Variants in CHD9 observed in about 807,000 individuals in gnomAD.
CHD9 encodes ATP-dependent chromatin remodeler CHD9.
A neutral mutation model predicts 316.1 loss-of-function variants in CHD9; 77 were observed. The observed-to-expected ratio is 0.24, with a 90% CI of 0.20 to 0.29. The LOEUF is 0.29. Ranked by LOEUF, CHD9 falls within the 10% of genes least tolerant of loss-of-function variation. The probability of loss-of-function intolerance (pLI) is 1.00; values close to 1 mark genes in which losing one functional copy is unlikely to be tolerated. For missense variants in CHD9, 2,763 were observed against 3,438.1 expected, an observed-to-expected ratio of 0.80 and a Z score of 4.91; for synonymous variants, 1,129 against 1,158.3, an observed-to-expected ratio of 0.97 and a Z score of 0.51.
chr16:53,125,218 A>T (rs1410068401), intron 1 of CHD9, among the ~76,000 whole-genome samples: 34 of 95,762 alleles, frequency 3.6e-4, no homozygotes, highest in East Asian at 8.6e-4. Context: ...TCAAGTTAGG[A>T]TTTTTTTTTT....
chr16:53,097,744 G>A (rs1459585366), intron 1 of CHD9, among the ~76,000 whole-genome samples: 1 of 152,212 alleles, frequency 6.6e-6, no homozygotes, highest in Non-Finnish European at 1.5e-5. Context: ...AGGAATGGAT[G>A]AATAAGTGAA....
chr16:53,311,618 G>T (rs2056482655), intron 34 of CHD9: 1 of 152,158 alleles, frequency 6.6e-6, no homozygotes, highest in Non-Finnish European at 1.5e-5. Flanking sequence ...CTTGAGTAAA[G>T]ATACCAGATG....
chr16:53,275,116 C>A (rs1214182578), intron 24 of CHD9, among the ~76,000 whole-genome samples: 1 of 152,180 alleles, frequency 6.6e-6, no homozygotes, highest in Non-Finnish European at 1.5e-5. Context: ...ACTGCAACCT[C>A]CATCTCCCAG....
intron 22 of CHD9, among the ~76,000 whole-genome samples, chr16:53,271,456 C>T (rs1473420201): frequency 6.6e-6 from 1 of 151,852 alleles, no homozygotes; most frequent in East Asian, 1.9e-4. Flanking sequence ...GTAATCCCAG[C>T]TACTTGGGAT....
chr16:53,239,592 A>G (rs1230013384), intron 12 of CHD9, among the ~76,000 whole-genome samples: 1 of 152,182 alleles, frequency 6.6e-6, no homozygotes, highest in Non-Finnish European at 1.5e-5. Flanking sequence ...AAAGCACTTT[A>G]GTATTTTTTC....
At chr16:53,218,478 G>A (rs1393774949) in intron 3 of CHD9, among the ~76,000 whole-genome samples, 1 of 152,066 alleles carries the variant, frequency 6.6e-6, no homozygotes, top group Admixed American at 6.6e-5. Flanking sequence ...AGAGATTTAG[G>A]TAATATTTAT....
chr16:53,083,436 A>C (rs2035199207), intron 1 of CHD9, among the ~76,000 whole-genome samples: 1 of 152,216 alleles, frequency 6.6e-6, no homozygotes, highest in African/African-American at 2.4e-5. Flanking sequence ...CCAGAGAAAG[A>C]GATTATATTG....
chr16:53,199,638 G>A (rs971946363), intron 2 of CHD9, among the ~76,000 whole-genome samples: 2 of 152,044 alleles, frequency 1.3e-5, no homozygotes, highest in African/African-American at 4.8e-5. Context: ...TCCAGTGTCT[G>A]TTCTTTCACC....
chr16:53,069,191 G>C (rs1321767583), intron 1 of CHD9, among the ~76,000 whole-genome samples: 3 of 151,896 alleles, frequency 2.0e-5, no homozygotes, highest in Non-Finnish European at 4.4e-5. Flanking sequence ...TTTTACTAGA[G>C]ACAAGGTTTC....
intron 20 of CHD9, among the ~76,000 whole-genome samples, chr16:53,266,210 T>C (rs983176768): frequency 2.0e-5 from 3 of 152,032 alleles, no homozygotes; most frequent in African/African-American, 7.2e-5. Flanking sequence ...TCTTCCAAAA[T>C]ACATATTAAT....
rs1353407562 is a variant in CHD9, at chr16:53,324,532, C to T, written c.8331C>T (p.Ser2777=). 1.2e-6 allele frequency: 2 copies of T among 1,613,798 alleles called. No individual in the cohort carries two copies. Among genetic ancestry groups the T allele is most frequent in the Non-Finnish European group, 1.7e-6 (2 of 1,179,870 alleles). The change falls in exon 39 of 39, where the codon TCC becomes TCT. Residue 2777 remains serine (S), a synonymous_variant. Coordinates refer to ENST00000447540, the MANE Select transcript of CHD9 (RefSeq NM_001308319.2). ...ENSVSSSPST[S]STAALNTAAA... ...CTGTGTCAAGTTCTCCTTCCACATCCTCTACTGCTGCATTAAATACAGCTG... is the reference window on the plus strand; with the variant it reads ...CTGTGTCAAGTTCTCCTTCCACATCTTCTACTGCTGCATTAAATACAGCTG...
chr16:53,057,917 CT>C (rs996199875), intron 1 of CHD9, among the ~76,000 whole-genome samples: 6 of 152,048 alleles, frequency 3.9e-5, no homozygotes, highest in African/African-American at 1.4e-4. Context: ...TGTGATGTCG[CT>C]GTTTGAAATG....
At chr16:53,118,880 C>T (rs978039563) in intron 1 of CHD9, among the ~76,000 whole-genome samples, 7 of 151,348 alleles carry the variant, frequency 4.6e-5, no homozygotes, top group Admixed American at 1.3e-4. Context: ...GCAACCTTCA[C>T]CTCCCGGGTT....
intron 1 of CHD9, among the ~76,000 whole-genome samples, chr16:53,088,839 C>T (rs539721246): frequency 1.8e-4 from 28 of 151,698 alleles, no homozygotes; most frequent in African/African-American, 2.4e-4. Flanking sequence ...CTCAGCCGGG[C>T]GTGGTGGCTC....
intron 19 of CHD9, among the ~76,000 whole-genome samples, chr16:53,258,760 A>C (rs1414916704): frequency 6.6e-6 from 1 of 152,174 alleles, no homozygotes; most frequent in Non-Finnish European, 1.5e-5. Flanking sequence ...CTTCATTTTC[A>C]AGTGATGATA....
At chr16:53,116,869 T>C (rs1219911032) in intron 1 of CHD9, among the ~76,000 whole-genome samples, 1 of 152,198 alleles carries the variant, frequency 6.6e-6, no homozygotes, top group African/African-American at 2.4e-5. Context: ...GTGGTACATT[T>C]AAACCATGGA....
chr16:53,126,382 C>G (rs2038969086), intron 1 of CHD9, among the ~76,000 whole-genome samples: 1 of 152,162 alleles, frequency 6.6e-6, no homozygotes, highest in Admixed American at 6.5e-5. Context: ...GAGTTTATTT[C>G]TGGATTCTAT....
At chr16:53,152,168 T>G (rs769862768) in intron 1 of CHD9, among the ~76,000 whole-genome samples, 3 of 152,196 alleles carry the variant, frequency 2.0e-5, no homozygotes, top group Non-Finnish European at 4.4e-5. Context: ...TTTCAAACTA[T>G]TTTCTGTAGT....
chr16:53,302,077 G>A (rs1298344464), intron 30 of CHD9, among the ~76,000 whole-genome samples: 2 of 151,968 alleles, frequency 1.3e-5, no homozygotes, highest in Non-Finnish European at 2.9e-5. Context: ...CTCTCTTAAT[G>A]TTAACATTTT....
Sources: allele counts gnomAD v4.1 joint callset (sites outside exome capture counted in the v4.1 genomes callset), GRCh38; gene constraint gnomAD v4.1.1; transcripts MANE v1.5; gene names NCBI Gene and HGNC (gene_info 2026-07-23, HGNC 2026-07-21).